LRP1B: variants seen among roughly 807,000 people sequenced by gnomAD.
LRP1B encodes low-density lipoprotein receptor-related protein 1B.
LRP1B carries 217 observed loss-of-function variants against 556.6 expected under a neutral mutation model. The ratio of observed to expected loss-of-function variants is 0.39; its 90% CI spans 0.35 to 0.44. LRP1B has a LOEUF of 0.44. LRP1B is among the 20% of genes least tolerant of loss of function. The probability of loss-of-function intolerance (pLI) is 1.00; values close to 1 mark genes in which losing one functional copy is unlikely to be tolerated. For missense variants in LRP1B, 5,053 were observed against 5,620.8 expected, an observed-to-expected ratio of 0.90 and a Z score of 3.23; for synonymous variants, 2,047 against 1,865.8, an observed-to-expected ratio of 1.10 and a Z score of -2.50.
intron 1 of LRP1B, among the ~76,000 whole-genome samples, chr2:141,924,435 C>A (rs1206295186): frequency 6.6e-6 from 1 of 152,164 alleles, no homozygotes; most frequent in Non-Finnish European, 1.5e-5. Context: ...TATCCCCATT[C>A]TTCTGGAACA....
chr2:141,733,035 G>A (rs1014098025), intron 2 of LRP1B, among the ~76,000 whole-genome samples: 1 of 152,062 alleles, frequency 6.6e-6, no homozygotes, highest in Non-Finnish European at 1.5e-5. Flanking sequence ...TGCCTAATGT[G>A]AGGATCAATG....
chr2:140,654,025 CA>C (rs61199077), intron 41 of LRP1B, among the ~76,000 whole-genome samples: 2,948 of 35,116 alleles, frequency 0.084, 21 homozygotes, highest in East Asian at 0.27. Flanking sequence ...GACTCCATCT[CA>C]AAAAAAAAAA....
intron 1 of LRP1B, among the ~76,000 whole-genome samples, chr2:141,915,414 G>A (rs1479151394): frequency 6.6e-6 from 1 of 151,904 alleles, no homozygotes; most frequent in Non-Finnish European, 1.5e-5. Context: ...ATTGTATATG[G>A]TGAACCTTTC....
At chr2:140,988,090 A>G (rs1011039210) in intron 17 of LRP1B, among the ~76,000 whole-genome samples, 1 of 152,154 alleles carries the variant, frequency 6.6e-6, no homozygotes, top group African/African-American at 2.4e-5. Context: ...CTAAAATTCT[A>G]GCTAATATGC....
At chr2:140,305,826 C>T (rs1684041550) in intron 83 of LRP1B, among the ~76,000 whole-genome samples, 2 of 152,040 alleles carry the variant, frequency 1.3e-5, no homozygotes, top group South Asian at 2.1e-4. Flanking sequence ...AGATATGTCC[C>T]ATCAATACCT....
chr2:140,567,775 T>G (rs896307547), intron 43 of LRP1B, among the ~76,000 whole-genome samples: 4 of 152,116 alleles, frequency 2.6e-5, no homozygotes, highest in Non-Finnish European at 5.9e-5. Context: ...CAAAACCCAT[T>G]GCCACCAAAG....
intron 2 of LRP1B, among the ~76,000 whole-genome samples, chr2:141,683,858 G>A (rs1477112322): frequency 6.6e-6 from 1 of 151,988 alleles, no homozygotes; most frequent in Admixed American, 6.6e-5. Context: ...GAGTATTCAA[G>A]AACAGAGAAA....
intron 41 of LRP1B, among the ~76,000 whole-genome samples, chr2:140,688,747 T>C (rs1362155489): frequency 2.0e-5 from 3 of 152,178 alleles, no homozygotes; most frequent in African/African-American, 7.2e-5. Flanking sequence ...TTGAGCCAGT[T>C]CTCATGTGGA....
rs146488410 is a variant in LRP1B at position 140,689,300 on chromosome 2, A to C, written c.6799+10950T>G. Among the ~76,000 whole-genome samples the C allele has an allele frequency of 1.5e-3, 221 of 152,290 alleles. 2 individuals are homozygous for C. The highest frequency in any genetic ancestry group is 5.2e-3 in the African/African-American group (216 of 41,568). On this transcript the variant is annotated intron_variant, in intron 41 of 90. Coordinates refer to ENST00000389484, the MANE Select transcript of LRP1B (RefSeq NM_018557.3). The stretch of plus-strand genomic sequence containing the variant: ...AACATCCATACACTGCTGAGTGTTC[A>C]AACTGTGTTCAAATAAGGCAAATGC...
intron 1 of LRP1B, among the ~76,000 whole-genome samples, chr2:142,001,089 C>T (rs1702637120): frequency 6.6e-6 from 1 of 152,138 alleles, no homozygotes; most frequent in Non-Finnish European, 1.5e-5. Context: ...TGCCTGCCTA[C>T]CTGTAATATG....
chr2:141,737,082 G>A (rs774138640), intron 2 of LRP1B, among the ~76,000 whole-genome samples: 6 of 152,104 alleles, frequency 3.9e-5, no homozygotes, highest in Non-Finnish European at 8.8e-5. Flanking sequence ...GGCCAGGCAC[G>A]GTGGTTCACA....
intron 49 of LRP1B, among the ~76,000 whole-genome samples, chr2:140,521,838 A>C (rs1184116053): frequency 6.6e-6 from 1 of 152,138 alleles, no homozygotes; most frequent in African/African-American, 2.4e-5. Context: ...TCTATCATGC[A>C]AATGGAAAAC....
chr2:140,800,652 C>A (rs1235795723), intron 32 of LRP1B, among the ~76,000 whole-genome samples: 3 of 152,076 alleles, frequency 2.0e-5, no homozygotes, highest in Non-Finnish European at 2.9e-5. Flanking sequence ...CCTTTAAGAA[C>A]CCAATACTCT....
intron 2 of LRP1B, among the ~76,000 whole-genome samples, chr2:141,653,974 TG>T (rs1381064429): frequency 6.6e-6 from 1 of 152,216 alleles, no homozygotes; most frequent in Admixed American, 6.5e-5. Flanking sequence ...ATTACAGAGT[TG>T]TTTTTGGATA....
intron 60 of LRP1B, among the ~76,000 whole-genome samples, chr2:140,464,295 C>A (rs1687451217): frequency 1.3e-5 from 2 of 152,042 alleles, no homozygotes; most frequent in Non-Finnish European, 2.9e-5. Context: ...CTGAAGGCAT[C>A]CATGGCCCAT....
intron 20 of LRP1B, among the ~76,000 whole-genome samples, chr2:140,935,167 T>G (rs1695166735): frequency 6.6e-6 from 1 of 152,036 alleles, no homozygotes; most frequent in Admixed American, 6.6e-5. Flanking sequence ...GAAAACAAAA[T>G]AAACCAATGA....
chr2:140,699,264 G>A lies in LRP1B; in HGVS notation c.6799+986C>T, dbSNP rs113769439. Among the ~76,000 whole-genome samples the A allele has an allele frequency of 4.0e-3, 614 of 152,122 alleles. 4 individuals carry two copies. Among genetic ancestry groups the A allele is most frequent in the African/African-American group, 0.013 (538 of 41,540 alleles). The stretch of plus-strand genomic sequence containing the variant: ...TCAAAAGTGTAAGATGAAGCCTCAT[G>A]TAATAAAATAAAAGCTTTGCAATAC... On this transcript the variant is annotated intron_variant, in intron 41 of 90. Transcript: ENST00000389484.
At chr2:140,769,798 C>A (rs1468519683) in intron 34 of LRP1B, among the ~76,000 whole-genome samples, 2 of 147,344 alleles carry the variant, frequency 1.4e-5, no homozygotes, top group Non-Finnish European at 3.0e-5. Flanking sequence ...TTTAAGATAA[C>A]TGTATCACTG....
intron 1 of LRP1B, among the ~76,000 whole-genome samples, chr2:142,053,078 T>G (rs1704521644): frequency 6.6e-6 from 1 of 151,966 alleles, no homozygotes; most frequent in Non-Finnish European, 1.5e-5. Flanking sequence ...CAAACAAAAA[T>G]AAATAAGATC....
Sources: allele counts gnomAD v4.1 joint callset (sites outside exome capture counted in the v4.1 genomes callset), GRCh38; gene constraint gnomAD v4.1.1; transcripts MANE v1.5; gene names NCBI Gene and HGNC (gene_info 2026-07-23, HGNC 2026-07-21).